TAFA2: variants seen among roughly 807,000 people sequenced by gnomAD.
TAFA2 encodes chemokine-like protein TAFA-2.
In TAFA2, 7 loss-of-function variants were observed where a neutral mutation model predicts 18.8. The ratio of observed to expected loss-of-function variants is 0.37; its 90% CI spans 0.21 to 0.70. The LOEUF (loss-of-function observed/expected upper bound fraction) is 0.70. Among genes scored for constraint, TAFA2 ranks in the 30% least tolerant of loss-of-function variants. TAFA2 has a pLI of 0.53. For synonymous variants in TAFA2, 60 were observed against 54.2 expected (o/e 1.11, Z -0.47); for missense variants, 122 against 158.1 (o/e 0.77, Z 1.23).
chr12:61,766,851 G>T (rs189729445), intron 2 of TAFA2, among the ~76,000 whole-genome samples: 1 of 152,196 alleles, frequency 6.6e-6, no homozygotes, highest in East Asian at 1.9e-4. Flanking sequence ...GTCTCTTTGT[G>T]AATATGTGTG....
intron 1 of TAFA2, among the ~76,000 whole-genome samples, chr12:62,065,834 TAAAAG>T (rs1173407882): frequency 6.6e-6 from 1 of 151,750 alleles, no homozygotes; most frequent in Non-Finnish European, 1.5e-5. Flanking sequence ...CACAAAATAA[TAAAAG>T]AAAAGTGGTT....
At chr12:61,863,872 C>A (rs1207731861) in intron 2 of TAFA2, among the ~76,000 whole-genome samples, 1 of 152,110 alleles carries the variant, frequency 6.6e-6, no homozygotes, top group African/African-American at 2.4e-5. Flanking sequence ...TAGCTAATGG[C>A]CAATGGACAC....
At chr12:62,111,756 T>C (rs537639839) in intron 1 of TAFA2, among the ~76,000 whole-genome samples, 1 of 152,320 alleles carries the variant, frequency 6.6e-6, no homozygotes, top group East Asian at 1.9e-4. Flanking sequence ...TCTTTGTCTT[T>C]TTTTATCTTT....
intron 2 of TAFA2, among the ~76,000 whole-genome samples, chr12:61,842,393 G>T (rs902463046): frequency 5.3e-5 from 8 of 151,274 alleles, no homozygotes; most frequent in Non-Finnish European, 1.0e-4. Context: ...TTTTTAAGTT[G>T]AACTCTGTTG....
chr12:61,764,452 C>T (rs1869701049), intron 2 of TAFA2, among the ~76,000 whole-genome samples: 1 of 151,896 alleles, frequency 6.6e-6, no homozygotes, highest in African/African-American at 2.4e-5. Flanking sequence ...GGGAATGACC[C>T]AATGGGAGAA....
chr12:61,837,424 T>G lies in TAFA2; in HGVS notation c.106+29896A>C, dbSNP rs1051908341. On this transcript the variant is annotated intron_variant, in intron 2 of 4. Coordinates refer to ENST00000416284, the MANE Select transcript of TAFA2 (RefSeq NM_178539.5). ...CTCTTAATCTACAGGTAAAAAGCAC[T>G]TCTAATATATAACTATCTTATTGGC... 7.2e-5 allele frequency among the ~76,000 whole-genome samples: 11 copies of G among 152,192 alleles called. No individual in the cohort carries two copies. In the East Asian group the frequency reaches 1.7e-3, roughly 24 times the overall value.
rs574965757 is a variant in TAFA2, at chr12:61,881,452, G to A, written c.-1-14026C>T. ...TGAGCATATCTAATTACATAGAAAA[G>A]GTGCAGTAAAAATAGCATATTAAAT... On this transcript the variant is annotated intron_variant, in intron 1 of 4. Coordinates refer to ENST00000416284, the MANE Select transcript of TAFA2 (RefSeq NM_178539.5). Among the ~76,000 whole-genome samples, 6 of 152,206 alleles carry A rather than the reference G, an allele frequency of 3.9e-5. No individual in the cohort carries two copies. The East Asian group carries it at 1.2e-3, about 29-fold the overall frequency.
chr12:61,755,134 G>T, intron 2 of TAFA2, 110 bp from the exon 3 acceptor site: 1 of 916,176 alleles, frequency 1.1e-6, no homozygotes, highest in Non-Finnish European at 1.6e-6. Context: ...GGGTCCACCA[G>T]GCATGAAACG....
chr12:62,011,232 G>T (rs1050447432), intron 1 of TAFA2, among the ~76,000 whole-genome samples: 1 of 152,194 alleles, frequency 6.6e-6, no homozygotes, highest in Admixed American at 6.5e-5. Flanking sequence ...TCTGGGAAGT[G>T]TACCCAGCAG....
At chr12:62,022,016 C>T (rs1881157924) in intron 1 of TAFA2, 2 of 646,102 alleles carry the variant, frequency 3.1e-6, no homozygotes, top group South Asian at 2.8e-5. Context: ...GCACAGACCC[C>T]TAGCGGCCAC....
rs117954984 is a variant in TAFA2 at position 62,044,516 on chromosome 12, A to G, written c.-2+146743T>C. Among the ~76,000 whole-genome samples the G allele has an allele frequency of 2.7e-3, 411 of 152,266 alleles. 11 individuals are homozygous for G. The East Asian group carries it at 0.058, about 21-fold the overall frequency. On this transcript the variant is annotated intron_variant, in intron 1 of 4. Coordinates refer to ENST00000416284, the MANE Select transcript of TAFA2 (RefSeq NM_178539.5). ...GCCCGCATAACCTGAATTCTGGCTT[A>G]CACCAGGCAGGTGTCAGCGTGGCAC...
At chr12:61,747,113 A>G (rs1257124965) in intron 4 of TAFA2, among the ~76,000 whole-genome samples, 2 of 152,206 alleles carry the variant, frequency 1.3e-5, no homozygotes, top group African/African-American at 4.8e-5. Flanking sequence ...AAACACATGA[A>G]AAAGTGCTCA....
intron 1 of TAFA2, among the ~76,000 whole-genome samples, chr12:62,182,948 G>T (rs1182568374): frequency 6.6e-6 from 1 of 152,192 alleles, no homozygotes; most frequent in Non-Finnish European, 1.5e-5. Context: ...AAAACTCCAA[G>T]TAATATACTA....
At chr12:61,853,535 A>C (rs969461874) in intron 2 of TAFA2, among the ~76,000 whole-genome samples, 1 of 152,176 alleles carries the variant, frequency 6.6e-6, no homozygotes, top group Non-Finnish European at 1.5e-5. Flanking sequence ...AAGAAAGCAG[A>C]ATCTCTAGAC....
rs149086569 is a variant in TAFA2, at chr12:61,771,072, A to G, written c.107-16048T>C. Among the ~76,000 whole-genome samples, 514 of 152,236 alleles carry G rather than the reference A, an allele frequency of 3.4e-3. 3 individuals carry two copies. Among genetic ancestry groups the G allele is most frequent in the African/African-American group, 0.012 (479 of 41,578 alleles). On this transcript the variant is annotated intron_variant, in intron 2 of 4. Transcript: ENST00000416284. ...AAAAAGATATTCCATGCAAATGGAC[A>G]CCAAAAGTGAAGAGGAGTAGTTATT... is the stretch of plus-strand genomic sequence containing the variant.
At chr12:61,848,776 T>A (rs1873514124) in intron 2 of TAFA2, among the ~76,000 whole-genome samples, 1 of 150,998 alleles carries the variant, frequency 6.6e-6, no homozygotes, top group African/African-American at 2.4e-5. Flanking sequence ...AAATTAAAAA[T>A]TTGCATATAG....
chr12:62,099,828 C>T (rs1869111329), intron 1 of TAFA2, among the ~76,000 whole-genome samples: 1 of 152,112 alleles, frequency 6.6e-6, no homozygotes, highest in South Asian at 2.1e-4. Context: ...GCATAAGTAA[C>T]TTGCCCACAT....
chr12:61,792,323 T>C (rs12300944), intron 2 of TAFA2, among the ~76,000 whole-genome samples: 6,941 of 151,602 alleles, frequency 0.046, 508 homozygotes, highest in African/African-American at 0.16. Context: ...CCCTGGTGTT[T>C]TATTGCACAG....
chr12:61,876,167 A>C (rs1479820166), intron 1 of TAFA2, among the ~76,000 whole-genome samples: 1 of 152,142 alleles, frequency 6.6e-6, no homozygotes, highest in Non-Finnish European at 1.5e-5. Flanking sequence ...ATGGTAATGG[A>C]ACCAGTTCTA....
Sources: allele counts gnomAD v4.1 joint callset (sites outside exome capture counted in the v4.1 genomes callset), GRCh38; gene constraint gnomAD v4.1.1; transcripts MANE v1.5; gene names NCBI Gene and HGNC (gene_info 2026-07-23, HGNC 2026-07-21).